SPOCK3: variants seen among roughly 807,000 people sequenced by gnomAD.
SPOCK3 encodes testican-3.
A neutral mutation model predicts 56.6 loss-of-function variants in SPOCK3; 30 were observed. The observed-to-expected ratio is 0.53, with a 90% CI of 0.40 to 0.72. The LOEUF (loss-of-function observed/expected upper bound fraction) is 0.72, where lower values mean the gene tolerates loss of function less well. Among genes scored for constraint, SPOCK3 ranks in the 30% least tolerant of loss-of-function variants. The pLI is 0.00. For synonymous variants in SPOCK3, 196 were observed against 183.3 expected, an observed-to-expected ratio of 1.07 and a Z score of -0.56; for missense variants, 527 against 530.0, an observed-to-expected ratio of 0.99 and a Z score of 0.06.
chr4:166,959,245 C>A (rs555963551), intron 4 of SPOCK3, among the ~76,000 whole-genome samples: 5 of 151,994 alleles, frequency 3.3e-5, no homozygotes, highest in Admixed American at 1.3e-4. Context: ...GAAAATACAG[C>A]CTATGACTTT....
chr4:167,054,384 A>G (rs1754561315), intron 3 of SPOCK3, among the ~76,000 whole-genome samples: 1 of 152,204 alleles, frequency 6.6e-6, no homozygotes, highest in South Asian at 2.1e-4. Context: ...TCATGCTACC[A>G]CCTAGGTTCA....
At chr4:167,073,239 A>AT (rs1561188503) in intron 2 of SPOCK3, among the ~76,000 whole-genome samples, 1 of 151,704 alleles carries the variant, frequency 6.6e-6, no homozygotes, top group African/African-American at 2.4e-5. Flanking sequence ...CTGTTTAATT[A>AT]TATCATCAAA....
At chr4:166,936,187 T>C (rs1740379173) in intron 4 of SPOCK3, among the ~76,000 whole-genome samples, 1 of 152,172 alleles carries the variant, frequency 6.6e-6, no homozygotes, top group Admixed American at 6.5e-5. Context: ...TACTGAGCTG[T>C]GATGCATTAT....
At chr4:167,095,026 G>T (rs1426490952) in intron 2 of SPOCK3, among the ~76,000 whole-genome samples, 1 of 152,104 alleles carries the variant, frequency 6.6e-6, no homozygotes, top group African/African-American at 2.4e-5. Flanking sequence ...CTCGAAGACA[G>T]TCAGTCAGAG....
At chr4:167,213,997 A>G (rs1026306546) in intron 2 of SPOCK3, among the ~76,000 whole-genome samples, 1 of 152,138 alleles carries the variant, frequency 6.6e-6, no homozygotes, top group African/African-American at 2.4e-5. Flanking sequence ...CTGTACTATA[A>G]AATGCTATGG....
In SPOCK3 at chr4:167,202,267, G is replaced by A. The variant is rs1733591027; in HGVS notation, c.189+31718C>T. Among the ~76,000 whole-genome samples, 4 of 151,956 alleles carry A rather than the reference G, an allele frequency of 2.6e-5. No homozygotes were observed. The South Asian group carries it at 8.3e-4, about 32-fold the overall frequency. ...GCAGTTCTATATCAGCAGTCTCATAGCAGCAACTGCAATCTATTATTTATG... is the reference window on the plus strand; with the variant it reads ...GCAGTTCTATATCAGCAGTCTCATAACAGCAACTGCAATCTATTATTTATG... On this transcript the variant is annotated intron_variant, in intron 2 of 10. Coordinates refer to ENST00000357545, the MANE Select transcript of SPOCK3 (RefSeq NM_001040159.2).
intron 3 of SPOCK3, among the ~76,000 whole-genome samples, chr4:167,060,007 G>C (rs1273579312): frequency 2.6e-5 from 4 of 151,248 alleles, no homozygotes; most frequent in South Asian, 2.1e-4. Context: ...GTTGTGGGGT[G>C]GGGGGAGTGG....
intron 2 of SPOCK3, among the ~76,000 whole-genome samples, chr4:167,192,631 C>T (rs774327930): frequency 1.4e-5 from 2 of 144,400 alleles, no homozygotes; most frequent in African/African-American, 2.7e-5. Flanking sequence ...ATAACTTGTA[C>T]TGTTTCTTTC....
chr4:166,763,040 A>G (rs1404388426), intron 7 of SPOCK3, among the ~76,000 whole-genome samples: 2 of 152,090 alleles, frequency 1.3e-5, no homozygotes, highest in Non-Finnish European at 2.9e-5. Flanking sequence ...ACAAATGCAG[A>G]TACACAAAGT....
chr4:166,747,066 C>CT (rs930180708), intron 8 of SPOCK3, among the ~76,000 whole-genome samples: 14 of 123,132 alleles, frequency 1.1e-4, no homozygotes, highest in African/African-American at 4.4e-4. Flanking sequence ...CAAGGAGGAG[C>CT]TGGTACCATT....
intron 6 of SPOCK3, among the ~76,000 whole-genome samples, chr4:166,854,485 TAAAA>T (rs556720018): frequency 8.1e-4 from 123 of 152,336 alleles, no homozygotes; most frequent in African/African-American, 2.8e-3. Context: ...GATTCTTTGT[TAAAA>T]AACTTTGTAA....
chr4:166,823,351 G>A (rs1226414236), intron 6 of SPOCK3, among the ~76,000 whole-genome samples: 5 of 151,876 alleles, frequency 3.3e-5, no homozygotes, highest in Non-Finnish European at 7.4e-5. Context: ...AAATTCCTGG[G>A]TGCCTGAGTC....
intron 2 of SPOCK3, among the ~76,000 whole-genome samples, chr4:167,195,511 G>C (rs1271982216): frequency 6.6e-6 from 1 of 152,208 alleles, no homozygotes; most frequent in Non-Finnish European, 1.5e-5. Flanking sequence ...TGAGGGCATA[G>C]ACAGGCATGT....
chr4:166,846,141 A>G (rs1748036337), intron 6 of SPOCK3, among the ~76,000 whole-genome samples: 1 of 152,194 alleles, frequency 6.6e-6, no homozygotes, highest in Non-Finnish European at 1.5e-5. Context: ...CTATGAGACC[A>G]TCTTTATATA....
At chr4:167,126,423 C>T (rs1270235469) in intron 2 of SPOCK3, among the ~76,000 whole-genome samples, 1 of 152,080 alleles carries the variant, frequency 6.6e-6, no homozygotes, top group Non-Finnish European at 1.5e-5. Flanking sequence ...ATGGTGCACA[C>T]CTGAAATCCT....
intron 6 of SPOCK3, among the ~76,000 whole-genome samples, chr4:166,812,413 G>A (rs1041942107): frequency 2.6e-5 from 4 of 151,796 alleles, no homozygotes; most frequent in Admixed American, 6.6e-5. Context: ...GTAAGAAAAC[G>A]CAGGCAAAAT....
chr4:167,106,335 T>C (rs1760146302), intron 2 of SPOCK3, among the ~76,000 whole-genome samples: 1 of 151,924 alleles, frequency 6.6e-6, no homozygotes, highest in Admixed American at 6.6e-5. Context: ...AGAGGAGTCT[T>C]GGACACTATG....
At chr4:167,213,746 T>C (rs1561331345) in intron 2 of SPOCK3, among the ~76,000 whole-genome samples, 1 of 152,110 alleles carries the variant, frequency 6.6e-6, no homozygotes, top group Non-Finnish European at 1.5e-5. Flanking sequence ...ATTACCAGTG[T>C]TTGATGATGA....
rs147015731 is a variant in SPOCK3 at position 166,847,647 on chromosome 4, TTATATA to T, written c.589+41477_589+41482del. On this transcript the variant is annotated intron_variant, in intron 6 of 10. Transcript: ENST00000357545. ...CACAATTCAAAAGGAAAATCCTAGT[TTATATA>T]TATATATATATATATATATATATAT... 4.7e-3 allele frequency among the ~76,000 whole-genome samples: 259 copies of T among 55,406 alleles called. 5 individuals are homozygous for T. The highest frequency in any genetic ancestry group is 0.033 in the East Asian group (70 of 2,094). 36.3% of individuals were successfully genotyped at this position (55,406 alleles called of 152,430 possible).
Sources: gnomAD v4.1 joint callset for allele counts (sites outside exome capture counted in the v4.1 genomes callset) on GRCh38, gnomAD v4.1.1 for gene constraint, MANE v1.5 for transcripts, NCBI Gene and HGNC (gene_info 2026-07-23, HGNC 2026-07-21) for gene names.